CORO2B: variants seen among roughly 807,000 people sequenced by gnomAD.
CORO2B encodes the protein coronin 2B, also known as coronin-2B.
In CORO2B, 26 loss-of-function variants were observed where a neutral mutation model predicts 58.8. The ratio of observed to expected loss-of-function variants is 0.44; its 90% confidence interval spans 0.32 to 0.61. The LOEUF is 0.61. CORO2B is among the 20% of genes least tolerant of loss of function. The pLI, the probability that CORO2B is intolerant of heterozygous loss-of-function variation, is 0.04. For synonymous variants in CORO2B, 242 were observed against 253.8 expected (o/e 0.95, Z 0.44); for missense variants, 460 against 645.1 (o/e 0.71, Z 3.11).
chr15:68,615,949 C>T (rs1900343819), intron 1 of CORO2B, among the ~76,000 whole-genome samples: 1 of 152,184 alleles, frequency 6.6e-6, no homozygotes, highest in African/African-American at 2.4e-5. Flanking sequence ...AAACTTTGCC[C>T]AGATGAGCAG....
At chr15:68,634,156 A>G (rs959622233) in intron 1 of CORO2B, among the ~76,000 whole-genome samples, 1 of 152,234 alleles carries the variant, frequency 6.6e-6, no homozygotes, top group African/African-American at 2.4e-5. Context: ...GGTGAGGAGT[A>G]GGACCTGCTG....
rs966738371 is a variant in CORO2B at position 68,629,122 on chromosome 15, G to A, written c.16-16038G>A. On this transcript the variant is annotated intron_variant, in intron 1 of 11. Transcript: ENST00000261861. ...GGGATCATGCTGGGGAGTGCCGAAT[G>A]TATCTTGCAGTTTTGCAAAGTTGTT... 1.3e-4 allele frequency among the ~76,000 whole-genome samples: 20 copies of A among 152,384 alleles called. No individual in the cohort carries two copies. The East Asian group carries it at 1.9e-3, about 15-fold the overall frequency.
At chr15:68,718,333 C>T (rs1893079367) in intron 8 of CORO2B, among the ~76,000 whole-genome samples, 1 of 152,204 alleles carries the variant, frequency 6.6e-6, no homozygotes, top group Non-Finnish European at 1.5e-5. Context: ...GGCTCTGTGG[C>T]CCTGCCCCTG....
At chr15:68,719,378 A>G in intron 10 of CORO2B, 35 bp from the exon 11 acceptor site, 1 of 1,611,110 alleles carries the variant, frequency 6.2e-7, no homozygotes, top group Non-Finnish European at 8.5e-7. Flanking sequence ...AGTCCATGGG[A>G]TCGTCAGTGA....
At chr15:68,692,594 T>TA (rs1265036527) in intron 2 of CORO2B, among the ~76,000 whole-genome samples, 67 of 81,328 alleles carry the variant, frequency 8.2e-4, no homozygotes, top group African/African-American at 2.0e-3. Context: ...CAAAAGCAAA[T>TA]AAATAAAAAA....
chr15:68,631,585 C>A (rs1027988581), intron 1 of CORO2B, among the ~76,000 whole-genome samples: 2 of 152,206 alleles, frequency 1.3e-5, no homozygotes, highest in African/African-American at 4.8e-5. Flanking sequence ...ACTTCCTGTG[C>A]ATTCCAGCTC....
At chr15:68,565,857 C>T in the CORO2B span, among the ~76,000 whole-genome samples, 6 of 152,234 alleles carry the variant, frequency 3.9e-5, no homozygotes, top group Non-Finnish European at 5.9e-5. Flanking sequence ...CCCCAGTTTC[C>T]CCCTCTCCCC....
At chr15:68,702,815 CTTTTTCTT>C (rs1447964192) in intron 3 of CORO2B, among the ~76,000 whole-genome samples, 26 of 127,970 alleles carry the variant, frequency 2.0e-4, no homozygotes, top group African/African-American at 7.4e-4. Context: ...TTTTCTTTTT[CTTTTTCTT>C]TTTTTTTTTT....
chr15:68,542,163 C>T, the CORO2B span, among the ~76,000 whole-genome samples: 1 of 152,196 alleles, frequency 6.6e-6, no homozygotes, highest in Non-Finnish European at 1.5e-5. Context: ...TACTTCTTGG[C>T]TGGAAGCAAA....
In CORO2B at chr15:68,579,283, C is replaced by T; in HGVS notation, c.15+6C>T. The T allele has an allele frequency of 7.8e-7, 1 of 1,285,622 alleles. No homozygotes were observed. The highest frequency in any genetic ancestry group is 9.9e-7 in the Non-Finnish European group (1 of 1,011,982). The allele number at this position is 1,285,622 out of a possible 1,614,324, so 79.6% of individuals were successfully genotyped here. A position where few individuals can be genotyped will look rare whatever the true frequency, so the allele number is the denominator to read the frequency against. On this transcript the variant is annotated splice_donor_region_variant and intron_variant, in intron 1 of 11. Coordinates refer to ENST00000261861, the MANE Select transcript of CORO2B (RefSeq NM_006091.5). ...TCTGCATGACTGTCACAAAGGTAAGCGCCGCTCGCCCGCCGCGCCCGGGAC... is the reference window on the plus strand; with the variant it reads ...TCTGCATGACTGTCACAAAGGTAAGTGCCGCTCGCCCGCCGCGCCCGGGAC...
At chr15:68,522,793 T>A in the CORO2B span, among the ~76,000 whole-genome samples, 373 of 152,382 alleles carry the variant, frequency 2.4e-3, 3 homozygotes, top group African/African-American at 8.3e-3. Flanking sequence ...GTTGTTTTAG[T>A]GTCCAATAAC....
At chr15:68,662,594 A>G (rs2140287985) in intron 2 of CORO2B, among the ~76,000 whole-genome samples, 1 of 152,376 alleles carries the variant, frequency 6.6e-6, no homozygotes, top group Non-Finnish European at 1.5e-5. Flanking sequence ...GATGAATTGA[A>G]TCATATACAT....
rs992697994 is a variant in CORO2B, at chr15:68,710,126, T to C, written c.334-606T>C. 5.3e-5 allele frequency among the ~76,000 whole-genome samples: 8 copies of C among 152,214 alleles called. No individual in the cohort carries two copies. The highest frequency in any genetic ancestry group is 2.1e-4 in the South Asian group (1 of 4,834). On this transcript the variant is annotated intron_variant, in intron 3 of 11. Coordinates refer to ENST00000261861, the MANE Select transcript of CORO2B (RefSeq NM_006091.5). The surrounding 1 kb of genome is among the most constrained non-coding windows in gnomAD (Gnocchi z 4.1). ...GCTTCTTTATCAGTATCCACAAGACTGAAAATAGCAGCTCTATCCAGGCTC... is the reference window on the plus strand; with the variant it reads ...GCTTCTTTATCAGTATCCACAAGACCGAAAATAGCAGCTCTATCCAGGCTC...
chr15:68,667,420 G>A (rs894746736), intron 2 of CORO2B, among the ~76,000 whole-genome samples: 1 of 152,218 alleles, frequency 6.6e-6, no homozygotes, highest in Non-Finnish European at 1.5e-5. Flanking sequence ...CCTGCTTCTA[G>A]GCGATGGGCT....
the CORO2B span, among the ~76,000 whole-genome samples, chr15:68,560,617 G>A: frequency 6.6e-6 from 1 of 152,144 alleles, no homozygotes; most frequent in Non-Finnish European, 1.5e-5. Flanking sequence ...CTTTCTTGAA[G>A]GGAAACACCA....
chr15:68,575,423 C>T (rs187912144), upstream of CORO2B, among the ~76,000 whole-genome samples: 40 of 85,312 alleles, frequency 4.7e-4, no homozygotes, highest in East Asian at 0.014. Flanking sequence ...CTGCAACCTC[C>T]GCCTCCCAAG....
chr15:68,624,874 G>A (rs934945511), intron 1 of CORO2B, among the ~76,000 whole-genome samples: 2 of 152,056 alleles, frequency 1.3e-5, no homozygotes, highest in East Asian at 3.9e-4. Context: ...GTAAAGATAG[G>A]GTTTTGCCAT....
chr15:68,656,591 C>T (rs141229894), intron 2 of CORO2B, among the ~76,000 whole-genome samples: 1 of 152,254 alleles, frequency 6.6e-6, no homozygotes, highest in Non-Finnish European at 1.5e-5. Flanking sequence ...TCCCACTCCT[C>T]CTTCCCCCAC....
chr15:68,700,233 G>T (rs987676305), intron 3 of CORO2B, among the ~76,000 whole-genome samples: 1 of 152,214 alleles, frequency 6.6e-6, no homozygotes, highest in Middle Eastern at 3.2e-3. Context: ...GCTGCTGTGT[G>T]TGCCAGGCAC....
Sources: allele counts gnomAD v4.1 joint callset (sites outside exome capture counted in the v4.1 genomes callset), GRCh38; gene constraint gnomAD v4.1.1; non-coding constraint Gnocchi (gnomAD v3.1); transcripts MANE v1.5; gene names NCBI Gene and HGNC (gene_info 2026-07-23, HGNC 2026-07-21).